Variants in HS6ST3 observed in about 807,000 individuals in gnomAD.
HS6ST3 encodes the protein heparan-sulfate 6-O-sulfotransferase 3.
A neutral mutation model predicts 36.7 loss-of-function variants in HS6ST3; 12 were observed. The observed-to-expected ratio is 0.33, with a 90% CI of 0.21 to 0.53. The LOEUF is 0.53. HS6ST3 is among the 20% of genes least tolerant of loss of function. The probability of loss-of-function intolerance (pLI) is 0.95; values close to 1 mark genes in which losing one functional copy is unlikely to be tolerated. For missense variants in HS6ST3, 584 were observed against 640.9 expected (o/e 0.91, Z 0.96); for synonymous variants, 240 against 257.5 (o/e 0.93, Z 0.65).
At chr13:96,508,051 A>G (rs1321994768) in intron 1 of HS6ST3, among the ~76,000 whole-genome samples, 3 of 152,040 alleles carry the variant, frequency 2.0e-5, no homozygotes, top group African/African-American at 7.2e-5. Flanking sequence ...GACTTTACCT[A>G]TTGACTCTCT....
chr13:96,380,840 A>G (rs1488476586), intron 1 of HS6ST3, among the ~76,000 whole-genome samples: 1 of 152,178 alleles, frequency 6.6e-6, no homozygotes, highest in Non-Finnish European at 1.5e-5. Flanking sequence ...GATTCTGTCG[A>G]TGTAAAAAGA....
At chr13:96,328,451 G>A (rs956999924) in intron 1 of HS6ST3, among the ~76,000 whole-genome samples, 13 of 152,184 alleles carry the variant, frequency 8.5e-5, no homozygotes, top group Non-Finnish European at 1.3e-4. Flanking sequence ...TGTGGTTTTT[G>A]TCTTTGGCTC....
intron 1 of HS6ST3, among the ~76,000 whole-genome samples, chr13:96,329,926 C>A (rs2055055638): frequency 6.7e-6 from 1 of 149,326 alleles, no homozygotes; most frequent in Non-Finnish European, 1.5e-5. Context: ...GATCCTTTTA[C>A]CATTATGTAA....
chr13:96,830,288 A>G (rs538530916), intron 1 of HS6ST3, among the ~76,000 whole-genome samples: 4 of 152,208 alleles, frequency 2.6e-5, no homozygotes, highest in South Asian at 2.1e-4. Flanking sequence ...ATGTAACCCC[A>G]TCATAACTCA....
At chr13:96,122,310 T>A (rs1379029068) in intron 1 of HS6ST3, among the ~76,000 whole-genome samples, 1 of 152,004 alleles carries the variant, frequency 6.6e-6, no homozygotes, top group Non-Finnish European at 1.5e-5. Flanking sequence ...ATGGCTTTGA[T>A]TCTGTTATCT....
At chr13:96,621,001 GA>G (rs2056493019) in intron 1 of HS6ST3, among the ~76,000 whole-genome samples, 1 of 152,174 alleles carries the variant, frequency 6.6e-6, no homozygotes, top group Non-Finnish European at 1.5e-5. Context: ...GAGGCAGCTG[GA>G]TCCCAGGGTG....
intron 1 of HS6ST3, among the ~76,000 whole-genome samples, chr13:96,127,346 A>G (rs1450852508): frequency 1.3e-5 from 2 of 152,220 alleles, no homozygotes; most frequent in East Asian, 3.8e-4. Flanking sequence ...GCCCCACCTC[A>G]AATCATCAGG....
chr13:96,748,808 T>A (rs1876625948), intron 1 of HS6ST3, among the ~76,000 whole-genome samples: 2 of 152,064 alleles, frequency 1.3e-5, no homozygotes, highest in Admixed American at 6.6e-5. Flanking sequence ...ACTCCTTCCT[T>A]CTTTTATAGT....
intron 1 of HS6ST3, among the ~76,000 whole-genome samples, chr13:96,309,868 G>T (rs758913987): frequency 3.2e-4 from 48 of 152,196 alleles, no homozygotes; most frequent in South Asian, 6.2e-4. Flanking sequence ...TACATGAGAA[G>T]AATATTGTTA....
intron 1 of HS6ST3, among the ~76,000 whole-genome samples, chr13:96,553,977 TGTGC>T (rs1316542123): frequency 6.6e-6 from 1 of 152,148 alleles, no homozygotes; most frequent in Non-Finnish European, 1.5e-5. Context: ...GGGAGGTCTG[TGTGC>T]GTGCGTGCGT....
intron 1 of HS6ST3, among the ~76,000 whole-genome samples, chr13:96,186,774 CTT>C (rs1287580234): frequency 2.0e-5 from 3 of 152,186 alleles, no homozygotes; most frequent in Non-Finnish European, 4.4e-5. Context: ...GGATAAGTCT[CTT>C]TTGCTGTTCT....
At chr13:96,271,775 G>C (rs1248346687) in intron 1 of HS6ST3, among the ~76,000 whole-genome samples, 2 of 151,962 alleles carry the variant, frequency 1.3e-5, no homozygotes, top group African/African-American at 4.8e-5. Flanking sequence ...CTTCTGCTAT[G>C]AGTCTCCTTG....
At chr13:96,310,730 C>G (rs965366463) in intron 1 of HS6ST3, among the ~76,000 whole-genome samples, 1 of 150,682 alleles carries the variant, frequency 6.6e-6, no homozygotes, top group South Asian at 2.1e-4. Context: ...AAAACGTATG[C>G]GTGCATCACA....
intron 1 of HS6ST3, among the ~76,000 whole-genome samples, chr13:96,585,294 T>C (rs1302913648): frequency 6.6e-6 from 1 of 152,192 alleles, no homozygotes; most frequent in Non-Finnish European, 1.5e-5. Flanking sequence ...AAGTCTGTCA[T>C]ACCTGCTACG....
intron 1 of HS6ST3, among the ~76,000 whole-genome samples, chr13:96,587,718 G>A (rs779242971): frequency 6.6e-6 from 1 of 152,198 alleles, no homozygotes; most frequent in East Asian, 1.9e-4. Flanking sequence ...CTCCCTTAAT[G>A]AGGGTGGATC....
chr13:96,751,834 ATATAG>A (rs1220333262), intron 1 of HS6ST3, among the ~76,000 whole-genome samples: 1 of 151,088 alleles, frequency 6.6e-6, no homozygotes, highest in Non-Finnish European at 1.5e-5. Context: ...ATGTACACAC[ATATAG>A]TATATTTATA....
At chr13:96,609,783 T>C (rs1229276372) in intron 1 of HS6ST3, among the ~76,000 whole-genome samples, 1 of 152,220 alleles carries the variant, frequency 6.6e-6, no homozygotes, top group Non-Finnish European at 1.5e-5. Flanking sequence ...TTAATGAAAA[T>C]AATTCCATTA....
intron 1 of HS6ST3, among the ~76,000 whole-genome samples, chr13:96,412,074 G>C (rs141949098): frequency 6.0e-4 from 91 of 151,928 alleles, no homozygotes; most frequent in South Asian, 3.6e-3. Flanking sequence ...GTGCGATCTC[G>C]GCTCACTGCA....
chr13:96,306,057 G>A (rs532819923), intron 1 of HS6ST3, among the ~76,000 whole-genome samples: 5 of 149,772 alleles, frequency 3.3e-5, no homozygotes, highest in Non-Finnish European at 5.9e-5. Flanking sequence ...TCAGCCTCCC[G>A]AGTAGCTGGG....
Sources: gnomAD v4.1 joint callset for allele counts (sites outside exome capture counted in the v4.1 genomes callset) on GRCh38, gnomAD v4.1.1 for gene constraint, MANE v1.5 for transcripts, NCBI Gene and HGNC (gene_info 2026-07-23, HGNC 2026-07-21) for gene names.